The following LSAMP variants were observed in gnomAD, a reference collection of about 807,000 sequenced individuals.
LSAMP encodes the protein limbic system associated membrane protein.
In LSAMP, 7 loss-of-function variants were observed where a neutral mutation model predicts 38.6. That is an observed-to-expected ratio of 0.18 (90% CI 0.10 to 0.34). The LOEUF is 0.34. Among genes scored for constraint, LSAMP ranks in the 10% least tolerant of loss-of-function variants. LSAMP has a pLI of 1.00. For missense variants in LSAMP, 313 were observed against 420.0 expected (o/e 0.75, Z 2.23); for synonymous variants, 154 against 166.8 (o/e 0.92, Z 0.59).
rs1398753059 is a variant in LSAMP, at chr3:115,810,300, T to G, written c.*17A>C. The G allele has an allele frequency of 1.5e-5, 23 of 1,542,442 alleles. No individual in the cohort carries two copies. Among genetic ancestry groups the G allele is most frequent in the East Asian group, 2.4e-5 (1 of 41,364 alleles). ...ATTTTTGTGTGTTTTTTAAATTATTTTTAAATTTTTATTCTATTAACATTT... is the reference window on the plus strand; with the variant it reads ...ATTTTTGTGTGTTTTTTAAATTATTGTTAAATTTTTATTCTATTAACATTT... On this transcript the variant is annotated 3_prime_UTR_variant, in exon 7 of 7. Coordinates refer to ENST00000490035, the MANE Select transcript of LSAMP (RefSeq NM_002338.5).
At chr3:115,947,488 G>A (rs1401796924) in intron 3 of LSAMP, among the ~76,000 whole-genome samples, 2 of 152,124 alleles carry the variant, frequency 1.3e-5, no homozygotes, top group Non-Finnish European at 2.9e-5. Context: ...CCTATTTATG[G>A]TGACAGTATT....
intron 1 of LSAMP, among the ~76,000 whole-genome samples, chr3:116,394,361 T>C (rs1312727552): frequency 1.3e-5 from 2 of 152,220 alleles, no homozygotes; most frequent in Non-Finnish European, 2.9e-5. Context: ...ATAATATTCA[T>C]ATAAGCCATT....
chr3:116,437,524 C>A (rs1312824054), intron 1 of LSAMP, among the ~76,000 whole-genome samples: 1 of 151,960 alleles, frequency 6.6e-6, no homozygotes, highest in Non-Finnish European at 1.5e-5. Flanking sequence ...TCCTCCTTGA[C>A]CAGCACTAAC....
intron 3 of LSAMP, among the ~76,000 whole-genome samples, chr3:115,970,084 C>T (rs567757350): frequency 5.9e-5 from 9 of 151,632 alleles, no homozygotes; most frequent in South Asian, 4.2e-4. Flanking sequence ...AAATTGAGGG[C>T]GAAAGGACAG....
intron 3 of LSAMP, among the ~76,000 whole-genome samples, chr3:115,894,131 A>T (rs1422916501): frequency 6.6e-6 from 1 of 152,014 alleles, no homozygotes; most frequent in Admixed American, 6.6e-5. Context: ...CATCAACCAT[A>T]CTGCAAGAAT....
intron 3 of LSAMP, among the ~76,000 whole-genome samples, chr3:115,980,536 T>A (rs1274737415): frequency 6.6e-6 from 1 of 152,174 alleles, no homozygotes; most frequent in African/African-American, 2.4e-5. Context: ...CTATATTTAT[T>A]TCCCCACATA....
intron 1 of LSAMP, among the ~76,000 whole-genome samples, chr3:116,413,698 T>C (rs2049010248): frequency 6.6e-6 from 1 of 152,074 alleles, no homozygotes; most frequent in Admixed American, 6.6e-5. Context: ...TCAAAGGGTA[T>C]GGGTACAAAT....
intron 2 of LSAMP, among the ~76,000 whole-genome samples, chr3:116,063,743 T>C (rs1941635149): frequency 6.6e-6 from 1 of 152,096 alleles, no homozygotes; most frequent in Admixed American, 6.5e-5. Context: ...CATTTTAAAA[T>C]AATGACAGTT....
intron 2 of LSAMP, among the ~76,000 whole-genome samples, chr3:116,028,772 T>C (rs756399895): frequency 2.5e-4 from 38 of 152,168 alleles, no homozygotes; most frequent in Admixed American, 9.2e-4. Context: ...ATTCTAGTTA[T>C]ATTTTTGCAG....
chr3:116,322,470 T>C (rs2047718121), intron 1 of LSAMP, among the ~76,000 whole-genome samples: 1 of 152,162 alleles, frequency 6.6e-6, no homozygotes, highest in South Asian at 2.1e-4. Flanking sequence ...AAAAAGGAAA[T>C]GTTAGTGATA....
chr3:116,440,109 T>G (rs2049413641), intron 1 of LSAMP, among the ~76,000 whole-genome samples: 1 of 152,172 alleles, frequency 6.6e-6, no homozygotes, highest in Non-Finnish European at 1.5e-5. Context: ...TAGATCCAAA[T>G]TCAGAGCCCA....
intron 1 of LSAMP, among the ~76,000 whole-genome samples, chr3:116,106,912 A>G (rs1260728754): frequency 6.6e-6 from 1 of 152,176 alleles, no homozygotes; most frequent in Non-Finnish European, 1.5e-5. Flanking sequence ...GAGGAGTAGT[A>G]GAATAGCAGA....
intron 1 of LSAMP, among the ~76,000 whole-genome samples, chr3:116,231,198 G>C (rs1326387041): frequency 6.6e-6 from 1 of 152,192 alleles, no homozygotes; most frequent in African/African-American, 2.4e-5. Context: ...TTATTAATTA[G>C]ATCTGATGCC....
chr3:116,295,355 T>C (rs955359654), intron 1 of LSAMP, among the ~76,000 whole-genome samples: 2 of 152,228 alleles, frequency 1.3e-5, no homozygotes, highest in Non-Finnish European at 2.9e-5. Flanking sequence ...TATTTCAATA[T>C]CGGGTGACAT....
rs571406426 is a variant in LSAMP, at chr3:116,032,936, C to T, written c.389-13296G>A. On this transcript the variant is annotated intron_variant, in intron 2 of 6. Coordinates refer to ENST00000490035, the MANE Select transcript of LSAMP (RefSeq NM_002338.5). Reference sequence around the variant, plus strand: ...TAAGAAAGTCTGGTTAGGTGGGTAGCTGTGCTCAGCATAGAAATGGAAATG... The same window carrying T: ...TAAGAAAGTCTGGTTAGGTGGGTAGTTGTGCTCAGCATAGAAATGGAAATG... Among the ~76,000 whole-genome samples the T allele has an allele frequency of 3.3e-5, 5 of 152,240 alleles. No homozygotes were observed. In the East Asian group the frequency reaches 9.6e-4, roughly 29 times the overall value.
rs72950146 is a variant in LSAMP at position 116,325,534 on chromosome 3, A to G, written c.155+119343T>C. On this transcript the variant is annotated intron_variant, in intron 1 of 6. Coordinates refer to ENST00000490035, the MANE Select transcript of LSAMP (RefSeq NM_002338.5). ...CCCTCAAAGTTTGAGATGAATTAAG[A>G]TTTCATTTCCACTGGAGGTAGAACT... Among the ~76,000 whole-genome samples, 499 of 152,270 alleles carry G rather than the reference A, an allele frequency of 3.3e-3. 4 individuals carry two copies. The highest frequency in any genetic ancestry group is 0.011 in the African/African-American group (453 of 41,558).
At chr3:116,014,537 A>C (rs1348393207) in intron 3 of LSAMP, among the ~76,000 whole-genome samples, 1 of 152,204 alleles carries the variant, frequency 6.6e-6, no homozygotes, top group East Asian at 1.9e-4. Context: ...TAATAGAATA[A>C]ATTGAGTCAT....
chr3:116,020,088 A>G (rs1300903349), intron 2 of LSAMP, among the ~76,000 whole-genome samples: 1 of 152,222 alleles, frequency 6.6e-6, no homozygotes, highest in East Asian at 1.9e-4. Context: ...AGATTACATT[A>G]CTGTATTATT....
intron 1 of LSAMP, among the ~76,000 whole-genome samples, chr3:116,201,112 T>A (rs2045981980): frequency 6.6e-6 from 1 of 152,176 alleles, no homozygotes; most frequent in Non-Finnish European, 1.5e-5. Flanking sequence ...AGCTGTTTGA[T>A]CCGCTCCCAG....
Sources: gnomAD v4.1 joint callset for allele counts (sites outside exome capture counted in the v4.1 genomes callset) on GRCh38, gnomAD v4.1.1 for gene constraint, MANE v1.5 for transcripts, NCBI Gene and HGNC (gene_info 2026-07-23, HGNC 2026-07-21) for gene names.